COLQ: variants seen among roughly 807,000 people sequenced by gnomAD.
The protein encoded by COLQ is acetylcholinesterase collagenic tail peptide.
COLQ carries 48 observed loss-of-function variants against 69.0 expected under a neutral mutation model. The observed-to-expected ratio is 0.70, with a 90% CI of 0.55 to 0.88. COLQ has a LOEUF of 0.88. Among genes scored for constraint, COLQ ranks in the 40% least tolerant of loss-of-function variants. The probability of loss-of-function intolerance (pLI) is 0.00; values close to 1 mark genes in which losing one functional copy is unlikely to be tolerated. For missense variants in COLQ, 618 were observed against 594.6 expected (o/e 1.04, Z -0.41); for synonymous variants, 217 against 211.2 (o/e 1.03, Z -0.24).
intron 10 of COLQ, 84 bp from the exon 11 acceptor site, chr3:15,470,700 A>G (rs1327092359): frequency 7.9e-7 from 1 of 1,261,124 alleles, no homozygotes; most frequent in Non-Finnish European, 1.2e-6. Context: ...GTCATTGGCT[A>G]CGAGGGCAGT....
chr3:15,474,318 A>G (rs1036117762), intron 8 of COLQ, 46 bp from the exon 9 acceptor site: 2 of 1,597,924 alleles, frequency 1.3e-6, no homozygotes, highest in African/African-American at 2.7e-5. Context: ...ATATCCTGGG[A>G]GGGAAATTCA....
intron 1 of COLQ, among the ~76,000 whole-genome samples, chr3:15,497,036 CTTT>C (rs371974104): frequency 5.6e-5 from 6 of 107,530 alleles, no homozygotes; most frequent in African/African-American, 1.8e-4. Context: ...GTCCTTTTGC[CTTT>C]TTTTTTTTTT....
At chr3:15,490,475 C>G (rs2062646718) in intron 1 of COLQ, among the ~76,000 whole-genome samples, 1 of 152,318 alleles carries the variant, frequency 6.6e-6, no homozygotes, top group African/African-American at 2.4e-5. Flanking sequence ...ACCAGAGATT[C>G]ATTTTGACTA....
At chr3:15,495,001 A>C (rs962667046) in intron 1 of COLQ, among the ~76,000 whole-genome samples, 3 of 152,140 alleles carry the variant, frequency 2.0e-5, no homozygotes, top group Non-Finnish European at 4.4e-5. Flanking sequence ...AGATCCATTA[A>C]CTGAGGCAAA....
chr3:15,471,411 CCTT>C (rs1449382290), intron 10 of COLQ, among the ~76,000 whole-genome samples: 2 of 152,254 alleles, frequency 1.3e-5, no homozygotes, highest in African/African-American at 2.4e-5. Context: ...TAGTTTCTCT[CCTT>C]CTTCCCCATT....
intron 12 of COLQ, among the ~76,000 whole-genome samples, chr3:15,465,336 G>C (rs1258495747): frequency 6.8e-6 from 1 of 147,626 alleles, no homozygotes; most frequent in Non-Finnish European, 1.5e-5. Context: ...GCGCGATCTC[G>C]ACTCACTGCA....
intron 6 of COLQ, among the ~76,000 whole-genome samples, chr3:15,475,702 G>T (rs904281663): frequency 6.6e-6 from 1 of 152,070 alleles, no homozygotes; most frequent in African/African-American, 2.4e-5. Context: ...AAATGAAAAC[G>T]CCCAAAGTGA....
At chr3:15,505,357 T>A (rs566501984) in intron 1 of COLQ, among the ~76,000 whole-genome samples, 5 of 152,344 alleles carry the variant, frequency 3.3e-5, no homozygotes, top group African/African-American at 1.2e-4. Context: ...AAATCAGTCA[T>A]CTCGTGTCGG....
At chr3:15,466,693 A>G (rs1004382212) in intron 11 of COLQ, among the ~76,000 whole-genome samples, 11 of 152,230 alleles carry the variant, frequency 7.2e-5, no homozygotes, top group African/African-American at 2.2e-4. Context: ...GAACCAGTCA[A>G]ATCTACTCTA....
intron 12 of COLQ, 23 bp from the exon 13 acceptor site, chr3:15,458,348 G>A (rs1425921173): frequency 1.9e-6 from 3 of 1,613,964 alleles, no homozygotes; most frequent in South Asian, 2.2e-5. Context: ...AGACTGCTGT[G>A]TTACTAGAGC....
intron 1 of COLQ, among the ~76,000 whole-genome samples, chr3:15,512,346 C>A (rs544424202): frequency 1.1e-4 from 17 of 152,136 alleles, no homozygotes; most frequent in East Asian, 5.8e-4. Context: ...CTCCCAAACA[C>A]GCGCCCCATG....
intron 1 of COLQ, among the ~76,000 whole-genome samples, chr3:15,517,827 C>T (rs9869931): frequency 0.01 from 1,541 of 152,308 alleles, 27 homozygotes; most frequent in African/African-American, 0.032. Flanking sequence ...AGGCACAATC[C>T]AGTCATCACT....
chr3:15,488,430 A>G (rs986054483), intron 2 of COLQ, 123 bp from the exon 3 acceptor site: 2 of 770,010 alleles, frequency 2.6e-6, no homozygotes, highest in Non-Finnish European at 4.5e-6. Context: ...TGACACCCCA[A>G]TGACTGCCCC....
At chr3:15,486,754 A>T (rs2062581991) in intron 3 of COLQ, among the ~76,000 whole-genome samples, 1 of 152,210 alleles carries the variant, frequency 6.6e-6, no homozygotes, top group Non-Finnish European at 1.5e-5. Context: ...GTAATTACGG[A>T]GAACCTATAC....
At position 15,456,476 on chromosome 3, in the gene COLQ, C is replaced by G. The variant is rs754194997; in HGVS notation, c.1058G>C (p.Gly353Ala). ...QRSLYFKDSLGWLPIQLTPFY... is the reference protein window; with the variant it reads ...QRSLYFKDSLAWLPIQLTPFY... Reference sequence around the variant, plus strand: ...TGGGGGTACCTGGATGGGGAGCCAGCCAAGGCTGTCCTTGAAGTACAGAGA... The same window carrying G: ...TGGGGGTACCTGGATGGGGAGCCAGGCAAGGCTGTCCTTGAAGTACAGAGA... The change falls in exon 14 of 17, where the codon GGC (glycine) becomes GCC (alanine). Residue 353 changes from glycine to alanine, a missense_variant. Coordinates refer to ENST00000383788, the MANE Select transcript of COLQ (RefSeq NM_005677.4). The G allele has an allele frequency of 3.7e-6, 6 of 1,614,124 alleles. No homozygotes were observed. The highest frequency in any genetic ancestry group is 5.1e-6 in the Non-Finnish European group (6 of 1,180,020).
At chr3:15,493,160 T>C (rs1459112710) in intron 1 of COLQ, among the ~76,000 whole-genome samples, 3 of 152,134 alleles carry the variant, frequency 2.0e-5, no homozygotes, top group Non-Finnish European at 4.4e-5. Context: ...CGAAAATATC[T>C]GGGGAAGTCA....
intron 16 of COLQ, 45 bp downstream of exon 16, chr3:15,453,784 G>A: frequency 8.1e-7 from 1 of 1,236,408 alleles, no homozygotes; most frequent in Non-Finnish European, 1.2e-6. Flanking sequence ...AAAGAGGAGG[G>A]AGGGAGAAAG....
chr3:15,475,345 C>G lies in COLQ; in HGVS notation c.528+80G>C, dbSNP rs1302065727. 6 of 1,339,738 alleles carry G rather than the reference C, an allele frequency of 4.5e-6. No homozygotes were observed. The South Asian group carries it at 6.3e-5, about 14-fold the overall frequency. The allele number at this position is 1,339,738 out of a possible 1,614,324, so 83.0% of individuals were successfully genotyped here. A position where few individuals can be genotyped will look rare whatever the true frequency, so the allele number is the denominator to read the frequency against. ...CCCTAGTCCGGGACTGCAGCCCCAC[C>G]CAGTCCCTATGTTTGTAGACAGCAG... is the stretch of plus-strand genomic sequence containing the variant. On this transcript the variant is annotated intron_variant, in intron 7 of 16. Coordinates refer to ENST00000383788, the MANE Select transcript of COLQ (RefSeq NM_005677.4).
At chr3:15,508,667 AC>A (rs2125174657) in intron 1 of COLQ, among the ~76,000 whole-genome samples, 1 of 152,258 alleles carries the variant, frequency 6.6e-6, no homozygotes, top group Non-Finnish European at 1.5e-5. Context: ...CCATCAATTC[AC>A]ATCCCCTCCT....
Sources: gnomAD v4.1 joint callset for allele counts (sites outside exome capture counted in the v4.1 genomes callset) on GRCh38, gnomAD v4.1.1 for gene constraint, MANE v1.5 for transcripts, NCBI Gene and HGNC (gene_info 2026-07-23, HGNC 2026-07-21) for gene names.